The following SPON1 variants were observed in gnomAD, a reference collection of about 807,000 sequenced individuals.
SPON1 encodes spondin 1, also known as spondin-1.
A neutral mutation model predicts 111.7 loss-of-function variants in SPON1; 52 were observed. The ratio of observed to expected loss-of-function variants is 0.47; its 90% CI spans 0.37 to 0.59. The LOEUF is 0.59. Among genes scored for constraint, SPON1 ranks in the 20% least tolerant of loss-of-function variants. The pLI, the probability that SPON1 is intolerant of heterozygous loss-of-function variation, is 0.00. For synonymous variants in SPON1, 410 were observed against 395.8 expected (o/e 1.04, Z -0.43); for missense variants, 957 against 1,068.5 (o/e 0.90, Z 1.46).
chr11:14,086,669 T>C (rs574935473), intron 5 of SPON1, among the ~76,000 whole-genome samples: 5 of 152,300 alleles, frequency 3.3e-5, no homozygotes, highest in South Asian at 2.1e-4. Flanking sequence ...AGAAAATGAG[T>C]TGGGGAGGAG....
At chr11:14,230,899 C>G (rs904426903) in intron 6 of SPON1, among the ~76,000 whole-genome samples, 1 of 151,964 alleles carries the variant, frequency 6.6e-6, no homozygotes, top group Admixed American at 6.5e-5. Flanking sequence ...AGCGATCCTC[C>G]CACCTCAGCC....
chr11:14,220,837 G>A (rs1848672942), intron 6 of SPON1, among the ~76,000 whole-genome samples: 1 of 152,140 alleles, frequency 6.6e-6, no homozygotes, highest in African/African-American at 2.4e-5. Context: ...CTTGGTGATG[G>A]TCACACCACT....
At position 14,226,435 on chromosome 11, in the gene SPON1, C is replaced by T. The variant is rs79086112; in HGVS notation, c.826-16897C>T. 2.8e-4 allele frequency among the ~76,000 whole-genome samples: 43 copies of T among 152,330 alleles called. No homozygotes were observed. The East Asian group carries it at 7.5e-3, about 27-fold the overall frequency. On this transcript the variant is annotated intron_variant, in intron 6 of 15. Transcript: ENST00000576479. The stretch of plus-strand genomic sequence containing the variant: ...GGCAACACAGTACACTGTACAGTAT[C>T]GGTTGTTTACCCTTGTGATCGAGTG...
chr11:14,243,937 C>T (rs893094101), intron 7 of SPON1, among the ~76,000 whole-genome samples: 5 of 152,202 alleles, frequency 3.3e-5, no homozygotes, highest in Middle Eastern at 3.2e-3. Context: ...TTTTGGACAG[C>T]TCTCCATGGA....
At chr11:14,197,693 G>A (rs1848418086) in intron 6 of SPON1, among the ~76,000 whole-genome samples, 1 of 151,038 alleles carries the variant, frequency 6.6e-6, no homozygotes, top group Admixed American at 6.6e-5. Context: ...GCACGCACCT[G>A]TAGTCCCAGC....
intron 5 of SPON1, among the ~76,000 whole-genome samples, chr11:14,100,401 C>T (rs368170143): frequency 2.7e-4 from 41 of 151,512 alleles, no homozygotes; most frequent in African/African-American, 9.2e-4. Flanking sequence ...TTTTTAGACA[C>T]CTTCTTTTCT....
intron 6 of SPON1, among the ~76,000 whole-genome samples, chr11:14,146,641 A>G (rs1461287037): frequency 2.6e-5 from 4 of 152,224 alleles, no homozygotes; most frequent in African/African-American, 9.6e-5. Context: ...ACAGTCAACA[A>G]TAGTCAGAAA....
At chr11:14,053,120 C>T (rs1297797480) in intron 3 of SPON1, among the ~76,000 whole-genome samples, 1 of 152,162 alleles carries the variant, frequency 6.6e-6, no homozygotes, top group African/African-American at 2.4e-5. Context: ...ATGTTTCAAC[C>T]CTATGAACAT....
At chr11:14,119,104 A>C (rs1554926256) in intron 5 of SPON1, among the ~76,000 whole-genome samples, 1 of 152,174 alleles carries the variant, frequency 6.6e-6, no homozygotes, top group Non-Finnish European at 1.5e-5. Context: ...CAGGAGGAGC[A>C]TCCCTAACTG....
rs1849176613 is a variant in SPON1 at position 14,105,349 on chromosome 11, T to C, written c.676+25328T>C. On this transcript the variant is annotated intron_variant, in intron 5 of 15. Coordinates refer to ENST00000576479, the MANE Select transcript of SPON1 (RefSeq NM_006108.4). ...TATATCTCTTTTCATGCTCTGCAGATTTTTTCCTAGTTCATTTTCTCTTTC... is the reference window on the plus strand; with the variant it reads ...TATATCTCTTTTCATGCTCTGCAGACTTTTTCCTAGTTCATTTTCTCTTTC... Among the ~76,000 whole-genome samples, 3 of 152,126 alleles carry C rather than the reference T, an allele frequency of 2.0e-5. No homozygotes were observed. The South Asian group carries it at 6.2e-4, about 31-fold the overall frequency.
intron 6 of SPON1, among the ~76,000 whole-genome samples, chr11:14,144,613 G>A (rs1223296117): frequency 2.8e-5 from 4 of 143,536 alleles, no homozygotes; most frequent in African/African-American, 5.2e-5. Context: ...CTGGGTGACC[G>A]AGTGAGTGAG....
chr11:14,255,907 T>C (rs1849102028), intron 9 of SPON1, 120 bp downstream of exon 9: 1 of 1,063,376 alleles, frequency 9.4e-7, no homozygotes, highest in Non-Finnish European at 1.3e-6. Flanking sequence ...GGATATGGAA[T>C]TCCTGGGCCT....
At position 14,239,541 on chromosome 11, in the gene SPON1, T is replaced by C. The variant is rs184484812; in HGVS notation, c.826-3791T>C. On this transcript the variant is annotated intron_variant, in intron 6 of 15. Transcript: ENST00000576479. ...AGGAGTTTAAGACCAACATGGGCAA[T>C]GTGGCGAAACCCCATCTCTACAAAA... 2.5e-3 allele frequency among the ~76,000 whole-genome samples: 373 copies of C among 152,166 alleles called. 1 individual carries two copies. Among genetic ancestry groups the C allele is most frequent in the Non-Finnish European group, 3.3e-3 (225 of 67,998 alleles).
At chr11:13,988,377 T>C (rs1008862554) in intron 2 of SPON1, among the ~76,000 whole-genome samples, 2 of 152,244 alleles carry the variant, frequency 1.3e-5, no homozygotes, top group African/African-American at 4.8e-5. Context: ...CGTATAGGAA[T>C]GCTTGTGATT....
At chr11:14,224,780 G>A (rs1554937962) in intron 6 of SPON1, 1 of 494,378 alleles carries the variant, frequency 2.0e-6, no homozygotes, top group Admixed American at 2.0e-5. Flanking sequence ...GAAGTAGGTG[G>A]GGCCAAAGGG....
intron 5 of SPON1, among the ~76,000 whole-genome samples, chr11:14,083,377 G>A (rs1554922245): frequency 6.6e-6 from 1 of 152,146 alleles, no homozygotes; most frequent in African/African-American, 2.4e-5. Context: ...ATTGGAAAAG[G>A]GAAGAGTATT....
intron 6 of SPON1, among the ~76,000 whole-genome samples, chr11:14,195,603 A>G (rs1204997321): frequency 1.3e-5 from 2 of 152,218 alleles, no homozygotes; most frequent in Admixed American, 6.5e-5. Flanking sequence ...CAATTACAAG[A>G]TCAAATAACA....
intron 1 of SPON1, among the ~76,000 whole-genome samples, chr11:13,975,985 C>T (rs74743241): frequency 0.012 from 1,768 of 152,326 alleles, 33 homozygotes; most frequent in African/African-American, 0.04. Context: ...TTATCATCAT[C>T]ATCCCTTAAA....
chr11:14,202,800 G>A (rs11023139), intron 6 of SPON1, among the ~76,000 whole-genome samples: 9,501 of 152,042 alleles, frequency 0.062, 379 homozygotes, highest in African/African-American at 0.11. Flanking sequence ...TCACTTCTTT[G>A]ATTCAAGTTT....
Sources: allele counts gnomAD v4.1 joint callset (sites outside exome capture counted in the v4.1 genomes callset), GRCh38; gene constraint gnomAD v4.1.1; transcripts MANE v1.5; gene names NCBI Gene and HGNC (gene_info 2026-07-23, HGNC 2026-07-21).